Variants in APBB1IP observed in about 807,000 individuals in gnomAD.
The protein encoded by APBB1IP is amyloid beta A4 precursor protein-binding family B member 1-interacting protein.
In APBB1IP, 27 loss-of-function variants were observed where a neutral mutation model predicts 64.9. That is an observed-to-expected ratio of 0.42 (90% confidence interval 0.31 to 0.57). The LOEUF is 0.57. Among genes scored for constraint, APBB1IP ranks in the 20% least tolerant of loss-of-function variants. The probability of loss-of-function intolerance (pLI) is 0.20; values close to 1 mark genes in which losing one functional copy is unlikely to be tolerated. For synonymous variants in APBB1IP, 392 were observed against 331.0 expected (o/e 1.18, Z -2.00); for missense variants, 812 against 845.5 (o/e 0.96, Z 0.49).
rs550297713 is a variant in APBB1IP, at chr10:26,527,542, CAAAAAAAAAAAA to C, written c.814-5892_814-5881del. ...TGGGCAACAGAGCAATACCTTGTCT[CAAAAAAAAAAAA>C]AAAAGAAAAAAATACTATCTCAGAA... is the stretch of plus-strand genomic sequence containing the variant. On this transcript the variant is annotated intron_variant, in intron 8 of 14. Coordinates refer to ENST00000376236, the MANE Select transcript of APBB1IP (RefSeq NM_019043.4). 4.0e-3 allele frequency among the ~76,000 whole-genome samples: 363 copies of C among 91,266 alleles called. 1 individual carries two copies. The highest frequency in any genetic ancestry group is 0.013 in the African/African-American group (334 of 25,074). 59.9% of individuals were successfully genotyped at this position (91,266 alleles called of 152,430 possible).
In APBB1IP at chr10:26,489,025, A is replaced by G. The variant is rs1835925233; in HGVS notation, c.1-3302A>G. On this transcript the variant is annotated intron_variant, in intron 2 of 14. Transcript: ENST00000376236. ...CTCTTAACTAAAGACCCCTTCTTGTACCCTCTCAATGCCTCCTGGCCAACA... is the reference window on the plus strand; with the variant it reads ...CTCTTAACTAAAGACCCCTTCTTGTGCCCTCTCAATGCCTCCTGGCCAACA... Among the ~76,000 whole-genome samples the G allele has an allele frequency of 3.3e-5, 5 of 152,106 alleles. No homozygotes were observed. In the South Asian group the frequency reaches 1.0e-3, roughly 31 times the overall value.
intron 2 of APBB1IP, among the ~76,000 whole-genome samples, chr10:26,455,836 C>A (rs1044361126): frequency 2.0e-5 from 3 of 152,066 alleles, no homozygotes; most frequent in African/African-American, 4.8e-5. Flanking sequence ...TACATCCACA[C>A]AAAAATGTGC....
chr10:26,507,595 G>C (rs1337251354), intron 6 of APBB1IP, among the ~76,000 whole-genome samples: 1 of 152,168 alleles, frequency 6.6e-6, no homozygotes, highest in African/African-American at 2.4e-5. Context: ...CTCACACATG[G>C]ATAAACATGT....
chr10:26,499,016 C>T (rs1836063938), intron 4 of APBB1IP, among the ~76,000 whole-genome samples: 1 of 152,134 alleles, frequency 6.6e-6, no homozygotes, highest in Non-Finnish European at 1.5e-5. Context: ...GTAATTCCAC[C>T]ACTTTGGGAG....
At chr10:26,560,044 G>T in intron 11 of APBB1IP, 61 bp from the exon 12 acceptor site, 1 of 1,381,366 alleles carries the variant, frequency 7.2e-7, no homozygotes, top group Non-Finnish European at 1.0e-6. Context: ...TTCCTGACAG[G>T]TGCTTTGACC....
chr10:26,555,597 T>G (rs1489338772), intron 11 of APBB1IP, among the ~76,000 whole-genome samples: 1 of 152,158 alleles, frequency 6.6e-6, no homozygotes, highest in East Asian at 1.9e-4. Flanking sequence ...TTCCTCTTTT[T>G]GTTGTTTTTT....
At position 26,445,765 on chromosome 10, in the gene APBB1IP, A is replaced by G. The variant is rs562108386; in HGVS notation, c.-1+6912A>G. 5.3e-5 allele frequency among the ~76,000 whole-genome samples: 8 copies of G among 152,352 alleles called. 1 individual carries two copies. In the East Asian group the frequency reaches 1.2e-3, roughly 22 times the overall value. On this transcript the variant is annotated intron_variant, in intron 2 of 14. Coordinates refer to ENST00000376236, the MANE Select transcript of APBB1IP (RefSeq NM_019043.4). ...TGCCCCTTACACAACTGGATTTCAA[A>G]TGGATTCAAGTGTTAGAGCAGGGCT...
At position 26,488,267 on chromosome 10, in the gene APBB1IP, G is replaced by A. The variant is rs1396570233; in HGVS notation, c.1-4060G>A. Among the ~76,000 whole-genome samples the A allele has an allele frequency of 6.0e-5, 9 of 149,094 alleles. No homozygotes were observed. In the East Asian group the frequency reaches 9.8e-4, roughly 16 times the overall value. ...TTTTTTTTTTTTTTGAGAGAGTCTC[G>A]CTGTGTCACCCAGGCTGGACTTTGG... On this transcript the variant is annotated intron_variant, in intron 2 of 14. Transcript: ENST00000376236.
chr10:26,494,532 AT>A (rs1835996035), intron 3 of APBB1IP, among the ~76,000 whole-genome samples: 1 of 152,260 alleles, frequency 6.6e-6, no homozygotes, highest in African/African-American at 2.4e-5. Flanking sequence ...TTAGGAAAAA[AT>A]AAACCAATTC....
chr10:26,546,027 G>A (rs1211839590), intron 11 of APBB1IP, among the ~76,000 whole-genome samples: 1 of 152,190 alleles, frequency 6.6e-6, no homozygotes, highest in East Asian at 1.9e-4. Context: ...ATATGAGCTT[G>A]ATGACTATGG....
At chr10:26,465,059 T>C (rs981584097) in intron 2 of APBB1IP, among the ~76,000 whole-genome samples, 1 of 152,212 alleles carries the variant, frequency 6.6e-6, no homozygotes, top group Non-Finnish European at 1.5e-5. Context: ...GACATGTGCT[T>C]TCTCGCACAG....
chr10:26,484,868 G>A (rs1398884252), intron 2 of APBB1IP, among the ~76,000 whole-genome samples: 3 of 152,118 alleles, frequency 2.0e-5, no homozygotes, highest in Non-Finnish European at 4.4e-5. Context: ...TATATGATGT[G>A]AATTAAGAAA....
intron 8 of APBB1IP, among the ~76,000 whole-genome samples, chr10:26,520,245 C>T (rs773110487): frequency 9.9e-5 from 15 of 152,198 alleles, no homozygotes; most frequent in Non-Finnish European, 2.1e-4. Context: ...CAGAAGCTTC[C>T]ACCATGTCCT....
At chr10:26,466,334 G>C (rs11015122) in intron 2 of APBB1IP, among the ~76,000 whole-genome samples, 56,037 of 151,990 alleles carry the variant, frequency 0.37, 10,394 homozygotes, top group South Asian at 0.5. Flanking sequence ...CACAAGGCTG[G>C]TCAAGTTCAA....
intron 13 of APBB1IP, 61 bp from the exon 14 acceptor site, chr10:26,562,265 G>T: frequency 8.0e-7 from 1 of 1,254,238 alleles, no homozygotes; most frequent in South Asian, 1.2e-5. Flanking sequence ...TTTTCAGATC[G>T]ACTTTCAAGA....
intron 8 of APBB1IP, among the ~76,000 whole-genome samples, chr10:26,523,798 T>C (rs787061): frequency 0.91 from 138,087 of 151,956 alleles, 62,943 homozygotes; most frequent in African/African-American, 0.98. Context: ...GAGACCTCAT[T>C]TCTTTAAAAA....
intron 8 of APBB1IP, among the ~76,000 whole-genome samples, chr10:26,522,307 C>T (rs1836412630): frequency 6.6e-6 from 1 of 152,056 alleles, no homozygotes; most frequent in African/African-American, 2.4e-5. Context: ...CACAGCTTCC[C>T]CCACTATCAA....
chr10:26,523,435 C>T (rs568203471), intron 8 of APBB1IP, among the ~76,000 whole-genome samples: 1 of 152,212 alleles, frequency 6.6e-6, no homozygotes, highest in South Asian at 2.1e-4. Flanking sequence ...TCAAGTTGTC[C>T]TTTTGTTTAG....
chr10:26,545,396 G>C (rs1218089023), intron 11 of APBB1IP, among the ~76,000 whole-genome samples: 1 of 152,134 alleles, frequency 6.6e-6, no homozygotes, highest in East Asian at 1.9e-4. Flanking sequence ...AGGCCAAGGC[G>C]GATGGATCAC....
Sources: gnomAD v4.1 joint callset for allele counts (sites outside exome capture counted in the v4.1 genomes callset) on GRCh38, gnomAD v4.1.1 for gene constraint, MANE v1.5 for transcripts, NCBI Gene and HGNC (gene_info 2026-07-23, HGNC 2026-07-21) for gene names.